GPC5: variants seen among roughly 807,000 people sequenced by gnomAD.
GPC5 encodes glypican 5, also known as glypican-5.
A neutral mutation model predicts 53.9 loss-of-function variants in GPC5; 47 were observed. The ratio of observed to expected loss-of-function variants is 0.87; its 90% confidence interval spans 0.69 to 1.11. The LOEUF is 1.11. Among genes scored for constraint, GPC5 ranks in the 50% most tolerant of loss-of-function variants. GPC5 has a pLI of 0.00. For synonymous variants in GPC5, 286 were observed against 263.3 expected, an observed-to-expected ratio of 1.09 and a Z score of -0.84; for missense variants, 748 against 713.1, an observed-to-expected ratio of 1.05 and a Z score of -0.56.
intron 6 of GPC5, among the ~76,000 whole-genome samples, chr13:91,953,762 T>C (rs565117629): frequency 3.3e-4 from 50 of 152,342 alleles, no homozygotes; most frequent in African/African-American, 1.1e-3. Context: ...CTTCTTGCTG[T>C]GCCTTCTCAT....
chr13:92,173,463 G>A (rs2139024908), intron 7 of GPC5, among the ~76,000 whole-genome samples: 1 of 152,274 alleles, frequency 6.6e-6, no homozygotes, highest in South Asian at 2.1e-4. Flanking sequence ...TACCTCATGT[G>A]CCATGAGGAC....
chr13:91,786,214 C>T (rs2138734232), intron 5 of GPC5, among the ~76,000 whole-genome samples: 1 of 152,280 alleles, frequency 6.6e-6, no homozygotes, highest in Admixed American at 6.5e-5. Flanking sequence ...TCACGCTGGT[C>T]TCAAACTCCT....
chr13:92,744,126 T>C (rs1363624702), intron 7 of GPC5, among the ~76,000 whole-genome samples: 1 of 152,006 alleles, frequency 6.6e-6, no homozygotes, highest in African/African-American at 2.4e-5. Context: ...GGCAGTGAGA[T>C]AGAAAGTAGA....
chr13:92,811,064 CCTT>C (rs1227735938), intron 7 of GPC5, among the ~76,000 whole-genome samples: 4 of 151,846 alleles, frequency 2.6e-5, no homozygotes, highest in Admixed American at 6.6e-5. Flanking sequence ...GAACTTCATT[CCTT>C]CTTATGGCTA....
At chr13:92,771,944 CT>C (rs954475139) in intron 7 of GPC5, among the ~76,000 whole-genome samples, 4 of 151,914 alleles carry the variant, frequency 2.6e-5, no homozygotes, top group South Asian at 2.1e-4. Flanking sequence ...GGCCTTAAAT[CT>C]TTTTTTTAAC....
intron 2 of GPC5, among the ~76,000 whole-genome samples, chr13:91,515,745 G>A (rs1049516230): frequency 2.0e-5 from 3 of 147,176 alleles, no homozygotes; most frequent in Non-Finnish European, 4.5e-5. Flanking sequence ...ATTTGGGATA[G>A]TCTTCTGTAC....
At chr13:92,406,346 A>G (rs1005464720) in intron 7 of GPC5, among the ~76,000 whole-genome samples, 2 of 152,200 alleles carry the variant, frequency 1.3e-5, no homozygotes, top group Admixed American at 1.3e-4. Flanking sequence ...GTTTCAAAAC[A>G]ATGTCTGTGC....
At chr13:91,961,613 A>C (rs74106236) in intron 6 of GPC5, among the ~76,000 whole-genome samples, 3,814 of 152,168 alleles carry the variant, frequency 0.025, 156 homozygotes, top group African/African-American at 0.087. Context: ...GTTATTCATA[A>C]TAACACAGCA....
intron 2 of GPC5, among the ~76,000 whole-genome samples, chr13:91,662,117 G>A (rs565729301): frequency 3.8e-4 from 58 of 152,280 alleles, no homozygotes; most frequent in African/African-American, 1.3e-3. Context: ...ACAGAGGGAA[G>A]AAGAGAACTG....
intron 7 of GPC5, among the ~76,000 whole-genome samples, chr13:92,417,286 AATGAACACTCCG>A (rs796468661): frequency 6.6e-6 from 1 of 152,206 alleles, no homozygotes; most frequent in South Asian, 2.1e-4. Flanking sequence ...GTAAAATGCA[AATGAACACTCCG>A]ATGAGATACC....
chr13:92,079,689 T>C (rs1432894472), intron 6 of GPC5, among the ~76,000 whole-genome samples: 4 of 152,246 alleles, frequency 2.6e-5, no homozygotes, highest in African/African-American at 4.8e-5. Context: ...CTTGCTGTTA[T>C]CTTCCTCAGT....
intron 7 of GPC5, among the ~76,000 whole-genome samples, chr13:92,319,433 G>T: frequency 6.9e-6 from 1 of 145,106 alleles, no homozygotes; most frequent in African/African-American, 2.6e-5. Flanking sequence ...AAAAAAAGAG[G>T]AATTCAGTTA....
chr13:92,313,433 C>G (rs2043158702), intron 7 of GPC5, among the ~76,000 whole-genome samples: 1 of 152,180 alleles, frequency 6.6e-6, no homozygotes, highest in South Asian at 2.1e-4. Flanking sequence ...CCCTTGTATA[C>G]TTCAGACATT....
At chr13:92,048,014 C>T (rs1029369462) in intron 6 of GPC5, among the ~76,000 whole-genome samples, 56 of 151,532 alleles carry the variant, frequency 3.7e-4, no homozygotes, top group African/African-American at 1.3e-3. Context: ...AGCGGTATTA[C>T]ATTAATTATT....
Position 91,642,846 on chromosome 13 carries a change from T to TG in GPC5, c.326-50338dup, listed in dbSNP as rs200402818. ...TGCTAGTGCATGGGTCTTGGGGATG[T>TG]GGGAGGTGATCAGATGTAAATATTC... is the stretch of plus-strand genomic sequence containing the variant. On this transcript the variant is annotated intron_variant, in intron 2 of 7. Transcript: ENST00000377067. Among the ~76,000 whole-genome samples the TG allele has an allele frequency of 8.8e-3, 1,340 of 151,970 alleles. 12 individuals are homozygous for TG. The highest frequency in any genetic ancestry group is 0.015 in the Non-Finnish European group (1,009 of 67,984).
At chr13:92,637,884 T>C (rs1487753655) in intron 7 of GPC5, among the ~76,000 whole-genome samples, 1 of 151,886 alleles carries the variant, frequency 6.6e-6, no homozygotes, top group Non-Finnish European at 1.5e-5. Flanking sequence ...AAGCATCAAA[T>C]GAGAAACATG....
chr13:92,306,181 G>A (rs1228146206), intron 7 of GPC5, among the ~76,000 whole-genome samples: 5 of 152,172 alleles, frequency 3.3e-5, no homozygotes, highest in Non-Finnish European at 7.3e-5. Flanking sequence ...ATGTTTTTGT[G>A]TGTGCAAAAG....
chr13:91,767,729 C>T (rs186727233), intron 5 of GPC5, among the ~76,000 whole-genome samples: 5 of 152,242 alleles, frequency 3.3e-5, no homozygotes, highest in African/African-American at 9.6e-5. Flanking sequence ...ACTTGTTACA[C>T]GCGTCCAGAG....
intron 7 of GPC5, among the ~76,000 whole-genome samples, chr13:92,556,212 A>G (rs1461288015): frequency 1.3e-5 from 2 of 151,814 alleles, no homozygotes; most frequent in Non-Finnish European, 2.9e-5. Context: ...TAATGAATCT[A>G]CATTCATGCC....
Sources: allele counts gnomAD v4.1 joint callset (sites outside exome capture counted in the v4.1 genomes callset), GRCh38; gene constraint gnomAD v4.1.1; transcripts MANE v1.5; gene names NCBI Gene and HGNC (gene_info 2026-07-23, HGNC 2026-07-21).